Variants in HPSE2 observed in about 807,000 individuals in gnomAD.
HPSE2 encodes inactive heparanase-2.
In HPSE2, 38 loss-of-function variants were observed where a neutral mutation model predicts 60.5. The ratio of observed to expected loss-of-function variants is 0.63; its 90% CI spans 0.48 to 0.82. HPSE2 has a LOEUF of 0.82. Among genes scored for constraint, HPSE2 ranks in the 40% least tolerant of loss-of-function variants. The pLI is 0.00. For missense variants in HPSE2, 713 were observed against 740.4 expected (o/e 0.96, Z 0.43); for synonymous variants, 295 against 293.2 (o/e 1.01, Z -0.06).
rs74927990 is a variant in HPSE2 at position 98,778,781 on chromosome 10, C to A, written c.611-34725G>T. Among the ~76,000 whole-genome samples the A allele has an allele frequency of 1.4e-3, 207 of 152,248 alleles. 1 individual carries two copies. The highest frequency in any genetic ancestry group is 4.4e-3 in the South Asian group (21 of 4,824). Reference sequence around the variant, plus strand: ...AAAGTAGATGATTAAATCAGATGATCTCCAATGTTCATTTGCTCTGTGCTC... The same window carrying A: ...AAAGTAGATGATTAAATCAGATGATATCCAATGTTCATTTGCTCTGTGCTC... On this transcript the variant is annotated intron_variant, in intron 3 of 11. Coordinates refer to ENST00000370552, the MANE Select transcript of HPSE2 (RefSeq NM_021828.5).
At chr10:98,837,626 G>A (rs1951819701) in intron 3 of HPSE2, among the ~76,000 whole-genome samples, 1 of 152,156 alleles carries the variant, frequency 6.6e-6, no homozygotes, top group Admixed American at 6.5e-5. Context: ...TGTAATCCCA[G>A]CACTTTGGGA....
At chr10:99,140,816 A>G (rs1376265191) in intron 3 of HPSE2, among the ~76,000 whole-genome samples, 1 of 152,180 alleles carries the variant, frequency 6.6e-6, no homozygotes. Flanking sequence ...AGGTGGGCGG[A>G]TCACAAGGTC....
chr10:99,140,463 T>TTTTAGAAA (rs1355640721), intron 3 of HPSE2, among the ~76,000 whole-genome samples: 5 of 152,340 alleles, frequency 3.3e-5, no homozygotes, highest in Admixed American at 3.3e-4. Flanking sequence ...TTTTAGAAAT[T>TTTTAGAAA]TGACCTCATT....
At chr10:98,593,109 T>C (rs973378285) in intron 9 of HPSE2, among the ~76,000 whole-genome samples, 2 of 152,214 alleles carry the variant, frequency 1.3e-5, no homozygotes, top group African/African-American at 4.8e-5. Context: ...AGTCATAATA[T>C]TTCCTGCCTT....
chr10:98,724,261 G>T (rs1392336462), intron 4 of HPSE2, among the ~76,000 whole-genome samples: 1 of 152,118 alleles, frequency 6.6e-6, no homozygotes, highest in East Asian at 1.9e-4. Flanking sequence ...CAGTTTCCAT[G>T]TAGTTGAGCG....
At chr10:99,023,427 A>G (rs1482557161) in intron 3 of HPSE2, among the ~76,000 whole-genome samples, 1 of 152,144 alleles carries the variant, frequency 6.6e-6, no homozygotes, top group Non-Finnish European at 1.5e-5. Flanking sequence ...GACATCACCG[A>G]CCTGAAAAGA....
intron 3 of HPSE2, among the ~76,000 whole-genome samples, chr10:98,752,568 A>C (rs1432081641): frequency 3.3e-5 from 5 of 152,200 alleles, no homozygotes; most frequent in Non-Finnish European, 1.5e-5. Context: ...TGCAGAACAA[A>C]ATGTAATAAC....
chr10:98,486,961 T>C (rs894785455), intron 10 of HPSE2, among the ~76,000 whole-genome samples: 1 of 152,212 alleles, frequency 6.6e-6, no homozygotes, highest in Non-Finnish European at 1.5e-5. Flanking sequence ...TCAGGAACCA[T>C]TTTTATGAGT....
At chr10:98,720,913 A>T (rs1948906391) in intron 5 of HPSE2, among the ~76,000 whole-genome samples, 1 of 152,232 alleles carries the variant, frequency 6.6e-6, no homozygotes, top group Admixed American at 6.6e-5. Flanking sequence ...TTATATCTGT[A>T]TAACCAGGAG....
chr10:99,168,576 A>C (rs187200607), intron 2 of HPSE2, among the ~76,000 whole-genome samples: 1 of 152,094 alleles, frequency 6.6e-6, no homozygotes, highest in Admixed American at 6.5e-5. Flanking sequence ...AAGACATAAA[A>C]CTCTTGAGTT....
chr10:98,600,913 A>ATATATGTGTGTGTGTGTG (rs1381527658), intron 9 of HPSE2, among the ~76,000 whole-genome samples: 2 of 29,594 alleles, frequency 6.8e-5, no homozygotes, highest in African/African-American at 1.6e-4. Context: ...GTGTGTGTGT[A>ATATATGTGTGTGTGTGTG]TATATATATA....
intron 3 of HPSE2, among the ~76,000 whole-genome samples, chr10:99,062,773 G>A (rs957912595): frequency 6.6e-6 from 1 of 152,112 alleles, no homozygotes; most frequent in Non-Finnish European, 1.5e-5. Flanking sequence ...GGTGAGGAAG[G>A]GAAATGGGTG....
chr10:99,198,293 T>C (rs1449667811), intron 2 of HPSE2, among the ~76,000 whole-genome samples: 1 of 152,164 alleles, frequency 6.6e-6, no homozygotes, highest in Non-Finnish European at 1.5e-5. Flanking sequence ...AATGTTTAAA[T>C]GAAACAAACT....
At chr10:99,243,717 C>T in the HPSE2 span, among the ~76,000 whole-genome samples, 3 of 152,114 alleles carry the variant, frequency 2.0e-5, no homozygotes, top group Non-Finnish European at 4.4e-5. Flanking sequence ...AGGCAGATCA[C>T]CTGAGGCTGG....
chr10:98,533,710 C>G (rs1164410222), intron 9 of HPSE2, among the ~76,000 whole-genome samples: 1 of 152,108 alleles, frequency 6.6e-6, no homozygotes, highest in Non-Finnish European at 1.5e-5. Flanking sequence ...ACTGCTCACC[C>G]TAAGTAATGG....
chr10:99,242,851 A>G, the HPSE2 span, among the ~76,000 whole-genome samples: 1 of 152,190 alleles, frequency 6.6e-6, no homozygotes, highest in African/African-American at 2.4e-5. Flanking sequence ...ATGAGATAAT[A>G]TCTTTAGTAC....
At chr10:98,671,029 T>C (rs537037051) in intron 6 of HPSE2, among the ~76,000 whole-genome samples, 1 of 152,332 alleles carries the variant, frequency 6.6e-6, no homozygotes, top group East Asian at 1.9e-4. Context: ...GTGTTGGTGT[T>C]AAAAAAATTT....
intron 6 of HPSE2, among the ~76,000 whole-genome samples, chr10:98,654,172 T>C (rs566626): frequency 0.85 from 129,561 of 152,022 alleles, 57,345 homozygotes; most frequent in South Asian, 0.98. Context: ...ATATGCCTGG[T>C]TGTAGTTTTC....
chr10:99,120,862 G>A (rs1210233633), intron 3 of HPSE2, among the ~76,000 whole-genome samples: 2 of 152,184 alleles, frequency 1.3e-5, no homozygotes, highest in African/African-American at 2.4e-5. Context: ...ATGGGTGAGA[G>A]TGTAAATTAG....
Sources: allele counts gnomAD v4.1 joint callset (sites outside exome capture counted in the v4.1 genomes callset), GRCh38; gene constraint gnomAD v4.1.1; transcripts MANE v1.5; gene names NCBI Gene and HGNC (gene_info 2026-07-23, HGNC 2026-07-21).